Variants in BTG4 observed in about 807,000 individuals in gnomAD.
The protein encoded by BTG4 is BTG anti-proliferation factor 4, also known as protein BTG4.
A neutral mutation model predicts 19.3 loss-of-function variants in BTG4; 10 were observed. The ratio of observed to expected loss-of-function variants is 0.52; its 90% confidence interval spans 0.32 to 0.88. BTG4 has a LOEUF of 0.88. Ranked by LOEUF, BTG4 falls within the 40% of genes least tolerant of loss-of-function variation. The pLI is 0.04. For synonymous variants in BTG4, 91 were observed against 95.7 expected, an observed-to-expected ratio of 0.95 and a Z score of 0.29; for missense variants, 238 against 281.9, an observed-to-expected ratio of 0.84 and a Z score of 1.11.
chr11:111,475,263 G>C (rs1171837640), intron 5 of BTG4: 3 of 151,992 alleles, frequency 2.0e-5, no homozygotes, highest in Non-Finnish European at 4.4e-5. Flanking sequence ...ATATAATAGG[G>C]GCTAATATTT....
intron 1 of BTG4, among the ~76,000 whole-genome samples, chr11:111,509,105 A>G (rs1866664624): frequency 6.6e-6 from 1 of 152,214 alleles, no homozygotes; most frequent in African/African-American, 2.4e-5. Context: ...CAAGAAGCTA[A>G]TTAAGAATCT....
chr11:111,426,443 A>G, the BTG4 span, among the ~76,000 whole-genome samples: 3,160 of 152,286 alleles, frequency 0.021, 123 homozygotes, highest in African/African-American at 0.069. Flanking sequence ...AATAGAGAGA[A>G]TGTACTGCAG....
At chr11:111,386,392 T>C in the BTG4 span, 1 of 152,240 alleles carries the variant, frequency 6.6e-6, no homozygotes, top group Admixed American at 6.5e-5. Flanking sequence ...AAATGATTTG[T>C]CATCAACTCA....
At chr11:111,418,773 G>A in the BTG4 span, among the ~76,000 whole-genome samples, 18 of 152,164 alleles carry the variant, frequency 1.2e-4, no homozygotes, top group African/African-American at 3.4e-4. Flanking sequence ...TGGGAAAACC[G>A]GAAGCATCTA....
At chr11:111,513,731 T>C (rs1490484996), upstream of BTG4, among the ~76,000 whole-genome samples, 1 of 152,140 alleles carries the variant, frequency 6.6e-6, no homozygotes, top group Non-Finnish European at 1.5e-5. Context: ...TTAACCAAAA[T>C]TTTAGATATA....
At chr11:111,445,368 C>A in the BTG4 span, among the ~76,000 whole-genome samples, 9,471 of 152,256 alleles carry the variant, frequency 0.062, 417 homozygotes, top group African/African-American at 0.12. Flanking sequence ...AGCATCTATA[C>A]CTCCACTCCT....
At chr11:111,501,030 G>A (rs768156840) in intron 1 of BTG4, among the ~76,000 whole-genome samples, 13 of 151,850 alleles carry the variant, frequency 8.6e-5, no homozygotes, top group African/African-American at 1.2e-4. Context: ...GTACAATAGT[G>A]AACTCATAAG....
chr11:111,481,476 A>G (rs570930737), intron 5 of BTG4, among the ~76,000 whole-genome samples: 6 of 151,846 alleles, frequency 4.0e-5, no homozygotes, highest in Non-Finnish European at 8.8e-5. Flanking sequence ...ATATTGTACT[A>G]TATATTTATA....
At chr11:111,432,226 C>T in the BTG4 span, among the ~76,000 whole-genome samples, 1 of 152,228 alleles carries the variant, frequency 6.6e-6, no homozygotes, top group Non-Finnish European at 1.5e-5. Flanking sequence ...GGGTATTTCG[C>T]TGTGGAGCCA....
chr11:111,412,535 A>C, the BTG4 span, among the ~76,000 whole-genome samples: 4,483 of 152,322 alleles, frequency 0.029, 99 homozygotes, highest in Middle Eastern at 0.13. Context: ...GGTTTGAGGC[A>C]GTTTATAGAA....
At chr11:111,446,941 T>C in the BTG4 span, among the ~76,000 whole-genome samples, 1 of 152,176 alleles carries the variant, frequency 6.6e-6, no homozygotes, top group Non-Finnish European at 1.5e-5. Flanking sequence ...CATATCCAAA[T>C]GCACTCTGGA....
the BTG4 span, among the ~76,000 whole-genome samples, chr11:111,431,002 G>A: frequency 6.6e-6 from 1 of 152,208 alleles, no homozygotes; most frequent in African/African-American, 2.4e-5. Flanking sequence ...GCTCAGCATG[G>A]TCTCACATAC....
At chr11:111,493,915 G>C (rs973361930), downstream of BTG4, among the ~76,000 whole-genome samples, 1 of 152,124 alleles carries the variant, frequency 6.6e-6, no homozygotes, top group African/African-American at 2.4e-5. Context: ...ATGACTGCTG[G>C]CATGTCGTAC....
chr11:111,470,450 C>G (rs1863994863), intron 5 of BTG4, among the ~76,000 whole-genome samples: 1 of 152,086 alleles, frequency 6.6e-6, no homozygotes, highest in Admixed American at 6.6e-5. Context: ...ATGAGGAGTA[C>G]AAATGTGGGC....
intron 5 of BTG4, among the ~76,000 whole-genome samples, chr11:111,478,257 G>A (rs2135560654): frequency 6.6e-6 from 1 of 152,238 alleles, no homozygotes; most frequent in African/African-American, 2.4e-5. Flanking sequence ...TCCTATACCT[G>A]CCCAGCAGTA....
At chr11:111,427,434 G>T in the BTG4 span, among the ~76,000 whole-genome samples, 1 of 152,140 alleles carries the variant, frequency 6.6e-6, no homozygotes, top group African/African-American at 2.4e-5. Context: ...TCAAAGGACC[G>T]CTCTGATCTC....
chr11:111,387,384 GC>G, the BTG4 span, among the ~76,000 whole-genome samples: 1 of 152,142 alleles, frequency 6.6e-6, no homozygotes, highest in Non-Finnish European at 1.5e-5. Context: ...GTTTTATTGT[GC>G]CTTCAATAAT....
the BTG4 span, among the ~76,000 whole-genome samples, chr11:111,413,105 G>A: frequency 6.6e-6 from 1 of 152,202 alleles, no homozygotes; most frequent in Non-Finnish European, 1.5e-5. Context: ...AGCAACAGAG[G>A]TGGAGTGAGA....
downstream of BTG4, among the ~76,000 whole-genome samples, chr11:111,489,904 T>A (rs1224977148): frequency 6.6e-6 from 1 of 151,860 alleles, no homozygotes; most frequent in Non-Finnish European, 1.5e-5. Flanking sequence ...AAAAATACAG[T>A]TAGAATAATT....
Sources: gnomAD v4.1 joint callset for allele counts (sites outside exome capture counted in the v4.1 genomes callset) on GRCh38, gnomAD v4.1.1 for gene constraint, MANE v1.5 for transcripts, NCBI Gene and HGNC (gene_info 2026-07-23, HGNC 2026-07-21) for gene names.